TAFA2: variants seen among roughly 807,000 people sequenced by gnomAD.
The protein encoded by TAFA2 is TAFA chemokine like family member 2.
TAFA2 carries 7 observed loss-of-function variants against 18.8 expected under a neutral mutation model. The observed-to-expected ratio is 0.37, with a 90% confidence interval of 0.21 to 0.70. The LOEUF is 0.70. Ranked by LOEUF, TAFA2 falls within the 30% of genes least tolerant of loss-of-function variation. The probability of loss-of-function intolerance (pLI) is 0.53; values close to 1 mark genes in which losing one functional copy is unlikely to be tolerated. For missense variants in TAFA2, 122 were observed against 158.1 expected (o/e 0.77, Z 1.23); for synonymous variants, 60 against 54.2 (o/e 1.11, Z -0.47).
intron 1 of TAFA2, among the ~76,000 whole-genome samples, chr12:62,098,938 TA>T (rs1037976259): frequency 2.0e-5 from 3 of 152,146 alleles, no homozygotes; most frequent in African/African-American, 7.2e-5. Context: ...CTTATTAAAT[TA>T]TATTTACACA....
At chr12:61,920,135 C>T (rs914550422) in intron 1 of TAFA2, among the ~76,000 whole-genome samples, 4 of 152,112 alleles carry the variant, frequency 2.6e-5, no homozygotes, top group African/African-American at 9.7e-5. Flanking sequence ...TCAGCACTAA[C>T]TTAGATGGTA....
chr12:61,891,270 A>T (rs1478498543), intron 1 of TAFA2, among the ~76,000 whole-genome samples: 1 of 152,200 alleles, frequency 6.6e-6, no homozygotes, highest in Non-Finnish European at 1.5e-5. Flanking sequence ...CAGCAGAAGC[A>T]GAGGCAGCAG....
chr12:62,065,379 T>C (rs1441899788), intron 1 of TAFA2, among the ~76,000 whole-genome samples: 1 of 152,002 alleles, frequency 6.6e-6, no homozygotes, highest in Non-Finnish European at 1.5e-5. Flanking sequence ...AGCAACCTAT[T>C]GCAGACTAGG....
intron 4 of TAFA2, among the ~76,000 whole-genome samples, chr12:61,733,250 T>C (rs1050907830): frequency 1.3e-5 from 2 of 152,124 alleles, no homozygotes; most frequent in Non-Finnish European, 2.9e-5. Context: ...GTAGTTTCTT[T>C]TGCTGTGCAG....
At chr12:62,015,229 G>T (rs1880894283) in intron 1 of TAFA2, among the ~76,000 whole-genome samples, 3 of 152,030 alleles carry the variant, frequency 2.0e-5, no homozygotes, top group Admixed American at 2.0e-4. Context: ...TATAGCTTGG[G>T]TTCTTCACTA....
At chr12:61,834,730 C>T (rs1001120790) in intron 2 of TAFA2, among the ~76,000 whole-genome samples, 1 of 151,952 alleles carries the variant, frequency 6.6e-6, no homozygotes, top group Admixed American at 6.6e-5. Context: ...AACTGTAAGA[C>T]ATATCTAGCT....
chr12:61,811,613 G>A lies in TAFA2; in HGVS notation c.106+55707C>T, dbSNP rs1023021104. Among the ~76,000 whole-genome samples, 34 of 151,516 alleles carry A rather than the reference G, an allele frequency of 2.2e-4. 2 individuals carry two copies. The highest frequency in any genetic ancestry group is 7.6e-4 in the African/African-American group (31 of 40,836). On this transcript the variant is annotated intron_variant, in intron 2 of 4. Coordinates refer to ENST00000416284, the MANE Select transcript of TAFA2 (RefSeq NM_178539.5). ...ACCACTATATATCTGTATATAGTAA[G>A]TATCCTATAATATTGCAGAGTATTG... is the stretch of plus-strand genomic sequence containing the variant.
intron 2 of TAFA2, among the ~76,000 whole-genome samples, chr12:61,832,590 C>G (rs1334522512): frequency 1.3e-5 from 2 of 152,070 alleles, no homozygotes; most frequent in Non-Finnish European, 2.9e-5. Context: ...TGTGCTTTTG[C>G]CACTAAGTTT....
At chr12:61,937,688 G>A (rs962268172) in intron 1 of TAFA2, among the ~76,000 whole-genome samples, 12 of 152,162 alleles carry the variant, frequency 7.9e-5, no homozygotes, top group East Asian at 7.7e-4. Flanking sequence ...TCTCAGACCC[G>A]AAACCATAAA....
intron 2 of TAFA2, among the ~76,000 whole-genome samples, chr12:61,803,342 T>C (rs1360214356): frequency 6.6e-6 from 1 of 151,880 alleles, no homozygotes; most frequent in Non-Finnish European, 1.5e-5. Context: ...AGAGAAATCA[T>C]TGATGGCAAT....
chr12:61,778,836 A>T (rs984154763), intron 2 of TAFA2, among the ~76,000 whole-genome samples: 1 of 151,850 alleles, frequency 6.6e-6, no homozygotes, highest in Non-Finnish European at 1.5e-5. Flanking sequence ...GCCCTCCATC[A>T]CCATCTAGCC....
intron 2 of TAFA2, among the ~76,000 whole-genome samples, chr12:61,845,637 G>A (rs1873372776): frequency 6.6e-6 from 1 of 152,106 alleles, no homozygotes; most frequent in Non-Finnish European, 1.5e-5. Context: ...TCCCCTAGAG[G>A]TAAGCATGGT....
In TAFA2 at chr12:62,096,163, C is replaced by T. The variant is rs189022235; in HGVS notation, c.-2+95096G>A. On this transcript the variant is annotated intron_variant, in intron 1 of 4. Transcript: ENST00000416284. ...TTCTCTTATTTGGAGGTCTTATCTG[C>T]GTTTGGACTCTTAATCTTTAAGCAC... Among the ~76,000 whole-genome samples, 26 of 152,108 alleles carry T rather than the reference C, an allele frequency of 1.7e-4. No homozygotes were observed. The South Asian group carries it at 2.1e-3, about 12-fold the overall frequency.
chr12:62,021,718 G>A, intron 1 of TAFA2: 2 of 1,508,754 alleles, frequency 1.3e-6, no homozygotes, highest in South Asian at 2.3e-5. Context: ...TTACCAGTTG[G>A]GTCCCAAGGC....
intron 2 of TAFA2, among the ~76,000 whole-genome samples, chr12:61,764,911 C>A (rs140124261): frequency 6.6e-6 from 1 of 152,124 alleles, no homozygotes; most frequent in African/African-American, 2.4e-5. Context: ...TCTTTATGTA[C>A]AAAACAGCTT....
upstream of TAFA2, among the ~76,000 whole-genome samples, chr12:62,196,167 C>A (rs2062648431): frequency 6.6e-6 from 1 of 152,180 alleles, no homozygotes; most frequent in Admixed American, 6.5e-5. Flanking sequence ...ACCTTTCTTT[C>A]AGCCTTTATA....
In TAFA2 at chr12:61,810,018, T is replaced by A. The variant is rs537857548; in HGVS notation, c.107-54994A>T. ...TCTGCCAGGGAATCATAGGAGTTGT[T>A]AAAGTCCTTTTGGGAACCACATTTC... On this transcript the variant is annotated intron_variant, in intron 2 of 4. Coordinates refer to ENST00000416284, the MANE Select transcript of TAFA2 (RefSeq NM_178539.5). Among the ~76,000 whole-genome samples, 50 of 151,508 alleles carry A rather than the reference T, an allele frequency of 3.3e-4. 2 individuals are homozygous for A. The highest frequency in any genetic ancestry group is 1.1e-3 in the African/African-American group (45 of 40,794).
rs1030532809 is a variant in TAFA2 at position 61,923,965 on chromosome 12, T to C, written c.-1-56539A>G. 6.7e-5 allele frequency among the ~76,000 whole-genome samples: 10 copies of C among 148,702 alleles called. 1 individual carries two copies. Among genetic ancestry groups the C allele is most frequent in the Admixed American group, 6.7e-5 (1 of 14,858 alleles). The stretch of plus-strand genomic sequence containing the variant: ...ACACAAGTATCAATAGCCAAACTGA[T>C]CAAGCAGAAGAAAGGATATCAGAGA... On this transcript the variant is annotated intron_variant, in intron 1 of 4. Transcript: ENST00000416284.
chr12:61,839,886 G>T (rs1012328083), intron 2 of TAFA2, among the ~76,000 whole-genome samples: 1 of 151,952 alleles, frequency 6.6e-6, no homozygotes, highest in African/African-American at 2.4e-5. Context: ...AAAAAAATAA[G>T]GCATAAGAGA....
Sources: allele counts gnomAD v4.1 joint callset (sites outside exome capture counted in the v4.1 genomes callset), GRCh38; gene constraint gnomAD v4.1.1; transcripts MANE v1.5; gene names NCBI Gene and HGNC (gene_info 2026-07-23, HGNC 2026-07-21).